HORMAD2: variants seen among roughly 807,000 people sequenced by gnomAD.
The protein encoded by HORMAD2 is HORMA domain-containing protein 2.
In HORMAD2, 45 loss-of-function variants were observed where a neutral mutation model predicts 38.8. That is an observed-to-expected ratio of 1.16 (90% CI 0.91 to 1.49). HORMAD2 has a LOEUF of 1.49. Among genes scored for constraint, HORMAD2 ranks in the 40% most tolerant of loss-of-function variants. HORMAD2 has a pLI of 0.00. For synonymous variants in HORMAD2, 126 were observed against 122.8 expected, an observed-to-expected ratio of 1.03 and a Z score of -0.17; for missense variants, 338 against 367.0, an observed-to-expected ratio of 0.92 and a Z score of 0.65.
chr22:30,103,586 A>G, intron 4 of HORMAD2, 86 bp downstream of exon 4: 2 of 556,914 alleles, frequency 3.6e-6, no homozygotes, highest in South Asian at 5.6e-5. Context: ...TAGTAAGATC[A>G]TTTTTTAAAA....
chr22:30,127,358 G>A (rs980073179), intron 10 of HORMAD2, among the ~76,000 whole-genome samples: 2 of 151,870 alleles, frequency 1.3e-5, no homozygotes, highest in Non-Finnish European at 2.9e-5. Context: ...ACAGGCATGT[G>A]CCACCACACC....
chr22:30,198,116 G>A, the HORMAD2 span, among the ~76,000 whole-genome samples: 5 of 152,170 alleles, frequency 3.3e-5, no homozygotes, highest in East Asian at 1.9e-4. Flanking sequence ...CCCGGGAGGC[G>A]AAGGTTGCAG....
intron 2 of HORMAD2, among the ~76,000 whole-genome samples, chr22:30,096,442 T>G (rs1288908543): frequency 7.2e-5 from 11 of 152,078 alleles, no homozygotes; most frequent in Admixed American, 5.9e-4. Context: ...TTTAAAACTT[T>G]TAGCCATTTT....
At chr22:30,100,862 G>T (rs1168499706) in intron 3 of HORMAD2, among the ~76,000 whole-genome samples, 1 of 152,138 alleles carries the variant, frequency 6.6e-6, no homozygotes, top group Non-Finnish European at 1.5e-5. Flanking sequence ...TTAGAGAGAT[G>T]CAAATCAAAA....
At chr22:30,164,779 C>A (rs1327356413) in intron 10 of HORMAD2, among the ~76,000 whole-genome samples, 1 of 152,130 alleles carries the variant, frequency 6.6e-6, no homozygotes, top group Non-Finnish European at 1.5e-5. Context: ...CAAGTGTGAG[C>A]CACCATACCC....
intron 2 of HORMAD2, among the ~76,000 whole-genome samples, chr22:30,094,242 A>G (rs375468067): frequency 6.6e-6 from 1 of 152,322 alleles, no homozygotes; most frequent in South Asian, 2.1e-4. Context: ...TAATATATTT[A>G]GGTCTTCTAG....
chr22:30,199,405 G>A, the HORMAD2 span, among the ~76,000 whole-genome samples: 4 of 152,302 alleles, frequency 2.6e-5, no homozygotes, highest in East Asian at 1.9e-4. Flanking sequence ...TAGAAATGAC[G>A]TTCTGTGCTG....
intron 2 of HORMAD2, among the ~76,000 whole-genome samples, chr22:30,096,318 A>G (rs569165601): frequency 6.6e-6 from 1 of 152,342 alleles, no homozygotes; most frequent in East Asian, 1.9e-4. Flanking sequence ...TATAAGTCAT[A>G]GGATATGTGT....
chr22:30,100,278 C>G (rs1280539507), intron 3 of HORMAD2, among the ~76,000 whole-genome samples: 2 of 152,110 alleles, frequency 1.3e-5, no homozygotes, highest in Admixed American at 6.6e-5. Context: ...AGAAATAACA[C>G]CACACATCTA....
intron 10 of HORMAD2, among the ~76,000 whole-genome samples, chr22:30,155,673 C>T (rs1925027532): frequency 1.3e-5 from 2 of 152,106 alleles, no homozygotes; most frequent in Admixed American, 1.3e-4. Context: ...CACACACACA[C>T]ATCTATATTT....
chr22:30,154,466 T>C (rs1448330933), intron 10 of HORMAD2, among the ~76,000 whole-genome samples: 1 of 152,210 alleles, frequency 6.6e-6, no homozygotes, highest in Non-Finnish European at 1.5e-5. Flanking sequence ...ATATTCACAA[T>C]ATAACCATCA....
At chr22:30,196,261 A>G in the HORMAD2 span, among the ~76,000 whole-genome samples, 3 of 152,226 alleles carry the variant, frequency 2.0e-5, no homozygotes, top group African/African-American at 7.2e-5. Flanking sequence ...ACTTGAGGCA[A>G]TACAGCTTCA....
At chr22:30,187,692 G>T in the HORMAD2 span, among the ~76,000 whole-genome samples, 1 of 152,164 alleles carries the variant, frequency 6.6e-6, no homozygotes, top group Non-Finnish European at 1.5e-5. Context: ...ATGGAGTGGG[G>T]TAGAGGACTG....
intron 5 of HORMAD2, among the ~76,000 whole-genome samples, chr22:30,106,467 T>A (rs1460233293): frequency 6.6e-6 from 1 of 152,176 alleles, no homozygotes; most frequent in South Asian, 2.1e-4. Flanking sequence ...CACTATACCC[T>A]GTGAGAAACA....
At chr22:30,182,892 A>T in the HORMAD2 span, among the ~76,000 whole-genome samples, 1 of 152,216 alleles carries the variant, frequency 6.6e-6, no homozygotes, top group Non-Finnish European at 1.5e-5. Context: ...CAAAAGGAAC[A>T]AAAGGATATA....
Position 30,176,227 on chromosome 22 carries a change from A to C in HORMAD2, c.*60A>C. 1 of 1,155,016 alleles carries C rather than the reference A, an allele frequency of 8.7e-7. No individual in the cohort carries two copies. Among genetic ancestry groups the C allele is most frequent in the East Asian group, 2.5e-5 (1 of 40,084 alleles). 71.5% of individuals were successfully genotyped at this position (1,155,016 alleles called of 1,614,324 possible). ...AAGTTTATTTTGTAAAAACATGCAT[A>C]AACTGTCTTAGCAGGAAAGTACATT... On this transcript the variant is annotated 3_prime_UTR_variant, in exon 11 of 11. Transcript: ENST00000336726.
intron 10 of HORMAD2, among the ~76,000 whole-genome samples, chr22:30,165,435 T>C (rs916779142): frequency 2.0e-5 from 3 of 152,202 alleles, no homozygotes; most frequent in African/African-American, 7.2e-5. Flanking sequence ...TTTCTATCTC[T>C]GCAAAAAATT....
At chr22:30,191,616 C>T in the HORMAD2 span, among the ~76,000 whole-genome samples, 1 of 152,220 alleles carries the variant, frequency 6.6e-6, no homozygotes, top group Non-Finnish European at 1.5e-5. Context: ...AAGGGAACTT[C>T]AGTGCAGGTG....
chr22:30,124,534 C>T (rs1377963695), intron 10 of HORMAD2, among the ~76,000 whole-genome samples: 1 of 152,148 alleles, frequency 6.6e-6, no homozygotes. Context: ...ATAACCTTTC[C>T]TTGCTCTTCT....
Sources: gnomAD v4.1 joint callset for allele counts (sites outside exome capture counted in the v4.1 genomes callset) on GRCh38, gnomAD v4.1.1 for gene constraint, MANE v1.5 for transcripts, NCBI Gene and HGNC (gene_info 2026-07-23, HGNC 2026-07-21) for gene names.